The following ADSS1 variants were observed in gnomAD, a reference collection of about 807,000 sequenced individuals.
ADSS1 encodes the protein adenylosuccinate synthetase isozyme 1.
ADSS1 carries 57 observed loss-of-function variants against 59.1 expected under a neutral mutation model. The observed-to-expected ratio is 0.97, with a 90% CI of 0.78 to 1.20. The LOEUF is 1.20. Ranked by LOEUF, ADSS1 falls within the 50% of genes most tolerant of loss-of-function variation. The pLI is 0.00. For missense variants in ADSS1, 603 were observed against 610.3 expected (o/e 0.99, Z 0.13); for synonymous variants, 247 against 249.4 (o/e 0.99, Z 0.09).
intron 12 of ADSS1, 48 bp from the exon 13 acceptor site, chr14:104,746,903 A>G: frequency 1.2e-6 from 2 of 1,601,048 alleles, no homozygotes; most frequent in Non-Finnish European, 8.6e-7. Context: ...CTTTTTCTGA[A>G]CTTTCTGCCT....
intron 7 of ADSS1, 83 bp downstream of exon 7, chr14:104,741,003 C>G: frequency 6.2e-7 from 1 of 1,607,784 alleles, no homozygotes; most frequent in Non-Finnish European, 8.5e-7. Context: ...CGTTGAACAC[C>G]CTTGGGGCAC....
At chr14:104,739,729 C>T (rs762617781) in intron 4 of ADSS1, 21 bp from the exon 5 acceptor site, 9 of 1,613,672 alleles carry the variant, frequency 5.6e-6, no homozygotes, top group Non-Finnish European at 7.6e-6. Flanking sequence ...TCCTGCTGCC[C>T]TCACCTGGCC....
At chr14:104,738,589 T>A in intron 3 of ADSS1, 151 bp downstream of exon 3, 1 of 858,742 alleles carries the variant, frequency 1.2e-6, no homozygotes, top group Non-Finnish European at 1.8e-6. Flanking sequence ...CCGCCGGCTC[T>A]ACCCGCGCAG....
At chr14:104,733,581 A>G (rs1425598214) in intron 1 of ADSS1, among the ~76,000 whole-genome samples, 1 of 152,060 alleles carries the variant, frequency 6.6e-6, no homozygotes, top group Non-Finnish European at 1.5e-5. Flanking sequence ...GAGACACCCC[A>G]CTGCCAGGCT....
chr14:104,738,223 C>A (rs1234116606), intron 2 of ADSS1, 153 bp from the exon 3 acceptor site: 2 of 642,442 alleles, frequency 3.1e-6, no homozygotes, highest in Admixed American at 5.3e-5. Context: ...GTTTCGAACT[C>A]CTGACCTCAA....
intron 2 of ADSS1, 35 bp from the exon 3 acceptor site, chr14:104,738,341 C>T: frequency 6.2e-7 from 1 of 1,610,998 alleles, no homozygotes; most frequent in Non-Finnish European, 8.5e-7. Flanking sequence ...GTCTGGGACA[C>T]AACTCTGTCT....
At chr14:104,745,260 G>A (rs1386728755) in intron 11 of ADSS1, 1 of 266,678 alleles carries the variant, frequency 3.7e-6, no homozygotes, top group Admixed American at 4.9e-5. Flanking sequence ...GTTAGTGGAT[G>A]CGGTCGGCTC....
At chr14:104,729,988 C>T (rs1334835605) in intron 1 of ADSS1, 2 of 1,597,138 alleles carry the variant, frequency 1.3e-6, no homozygotes, top group South Asian at 1.1e-5. Flanking sequence ...CCCCAGCTCA[C>T]AGCACAGCCC....
rs542781901 is a variant in ADSS1 at position 104,730,171 on chromosome 14, G to T, written c.193-4849G>T. The T allele has an allele frequency of 3.9e-6, 6 of 1,536,404 alleles. No homozygotes were observed. In the East Asian group the frequency reaches 1.5e-4, roughly 38 times the overall value. ...CAGGAGGCCACACCTGCCTGCCCAG[G>T]AGGACTGCAGGAGCCGGATCCTTAA... On this transcript the variant is annotated intron_variant, in intron 1 of 12. Transcript: ENST00000330877.
rs1312125059 is a variant in ADSS1 at position 104,724,373 on chromosome 14, G to C, written c.103G>C (p.Val35Leu). The C allele has an allele frequency of 3.2e-6, 4 of 1,253,748 alleles. No individual in the cohort carries two copies. The highest frequency in any genetic ancestry group is 6.1e-4 in the Middle Eastern group (2 of 3,286). 77.7% of individuals were successfully genotyped at this position (1,253,748 alleles called of 1,614,324 possible). ...GGCGGCGACCGGCTCCCGCGTGACG[G>C]TGGTGCTGGGCGCGCAGTGGGGGGA... is the stretch of plus-strand genomic sequence containing the variant. ...EAAATGSRVT[V>L]VLGAQWGDEG... Residue 35 changes from valine to leucine, a missense_variant, in exon 1 of 13, where the codon GTG (valine) becomes CTG (leucine). Transcript: ENST00000330877.
chr14:104,735,298 C>G (rs12885343), intron 2 of ADSS1, among the ~76,000 whole-genome samples, 176 bp downstream of exon 2: 14,898 of 152,262 alleles, frequency 0.098, 784 homozygotes, highest in Non-Finnish European at 0.12. Flanking sequence ...CTGCATAGCC[C>G]GGGCCTGGGC....
rs1422523014 is a variant in ADSS1 at position 104,746,329 on chromosome 14, T to A, written c.1265T>A (p.Leu422Gln). The A allele has an allele frequency of 6.2e-7, 1 of 1,613,710 alleles. No homozygotes were observed. Among genetic ancestry groups the A allele is most frequent in the African/African-American group, 1.3e-5 (1 of 74,932 alleles). The part of the protein sequence containing the change: ...DTTGARRWED[L>Q]PPQAQNYIRF... ...ACAGGCGCCAGGAGGTGGGAGGACC[T>A]GCCCCCACAGGCCCAGAACTACATC... Residue 422 changes from leucine (L) to glutamine (Q), a missense_variant, in exon 12 of 13, where the codon CTG (leucine) becomes CAG (glutamine). Coordinates refer to ENST00000330877, the MANE Select transcript of ADSS1 (RefSeq NM_152328.5).
At chr14:104,730,033 G>T in intron 1 of ADSS1, 1 of 1,584,002 alleles carries the variant, frequency 6.3e-7, no homozygotes, top group Non-Finnish European at 8.6e-7. Flanking sequence ...TCCAGTTACT[G>T]AGTGGCCACT....
intron 1 of ADSS1, chr14:104,730,009 G>A: frequency 6.3e-7 from 1 of 1,594,512 alleles, no homozygotes; most frequent in South Asian, 1.1e-5. Flanking sequence ...TCCCCTGGCT[G>A]CCTCCAAGGA....
At position 104,730,969 on chromosome 14, in the gene ADSS1, G is replaced by C. The variant is rs60404974; in HGVS notation, c.193-4051G>C. 9.7e-4 allele frequency among the ~76,000 whole-genome samples: 96 copies of C among 99,450 alleles called. 3 individuals are homozygous for C. Among genetic ancestry groups the C allele is most frequent in the African/African-American group, 2.9e-3 (88 of 30,268 alleles). The allele number at this position is 99,450 out of a possible 152,430, so 65.2% of individuals were successfully genotyped here. On this transcript the variant is annotated intron_variant, in intron 1 of 12. Coordinates refer to ENST00000330877, the MANE Select transcript of ADSS1 (RefSeq NM_152328.5). Reference sequence around the variant, plus strand: ...GACTAGGCAGAGAGTGGGGGGGGGGGGGGGGCTCAGTGTCCGTGGGGGCTC... The same window carrying C: ...GACTAGGCAGAGAGTGGGGGGGGGGCGGGGGCTCAGTGTCCGTGGGGGCTC...
In ADSS1 at chr14:104,743,146, A is replaced by G; in HGVS notation, c.1028A>G (p.Asp343Gly). 6.2e-7 allele frequency: 1 copy of G among 1,612,538 alleles called. No individual in the cohort carries two copies. Among genetic ancestry groups the G allele is most frequent in the Non-Finnish European group, 8.5e-7 (1 of 1,180,004 alleles). ...TGRKRRCGWLDLMILRYAHMV... is the reference protein window; with the variant it reads ...TGRKRRCGWLGLMILRYAHMV... Reference sequence around the variant, plus strand: ...AGGAAGAGGCGCTGCGGCTGGCTCGACCTGATGATTCTAAGATATGCTCAC... The same window carrying G: ...AGGAAGAGGCGCTGCGGCTGGCTCGGCCTGATGATTCTAAGATATGCTCAC... Residue 343 changes from aspartate to glycine, a missense_variant, in exon 10 of 13, where the codon GAC (aspartate) becomes GGC (glycine). Transcript: ENST00000330877.
At chr14:104,725,374 C>T (rs1487232462) in intron 1 of ADSS1, among the ~76,000 whole-genome samples, 1 of 152,208 alleles carries the variant, frequency 6.6e-6, no homozygotes, top group African/African-American at 2.4e-5. Flanking sequence ...GGGTTTGGAG[C>T]CTGCCTGGGG....
intron 5 of ADSS1, 99 bp downstream of exon 5, chr14:104,739,915 A>T: frequency 7.8e-7 from 1 of 1,280,316 alleles, no homozygotes; most frequent in Non-Finnish European, 1.1e-6. Context: ...CGAGGAGGGT[A>T]CCTCAACCCA....
At chr14:104,731,016 C>G (rs1321458488) in intron 1 of ADSS1, among the ~76,000 whole-genome samples, 1 of 141,456 alleles carries the variant, frequency 7.1e-6, no homozygotes, top group Non-Finnish European at 1.5e-5. Flanking sequence ...CTGACCCAAG[C>G]CTGCACCACA....
Sources: allele counts gnomAD v4.1 joint callset (sites outside exome capture counted in the v4.1 genomes callset), GRCh38; gene constraint gnomAD v4.1.1; transcripts MANE v1.5; gene names NCBI Gene and HGNC (gene_info 2026-07-23, HGNC 2026-07-21).